GPC5: variants seen among roughly 807,000 people sequenced by gnomAD.
The protein encoded by GPC5 is glypican 5, also known as glypican-5.
GPC5 carries 47 observed loss-of-function variants against 53.9 expected under a neutral mutation model. That is an observed-to-expected ratio of 0.87 (90% CI 0.69 to 1.11). GPC5 has a LOEUF of 1.11. GPC5 is among the 50% of genes most tolerant of loss of function. The pLI, the probability that GPC5 is intolerant of heterozygous loss-of-function variation, is 0.00. For synonymous variants in GPC5, 286 were observed against 263.3 expected (o/e 1.09, Z -0.84); for missense variants, 748 against 713.1 (o/e 1.05, Z -0.56).
At chr13:92,210,029 AG>A (rs1318598575) in intron 7 of GPC5, among the ~76,000 whole-genome samples, 2 of 152,078 alleles carry the variant, frequency 1.3e-5, no homozygotes, top group Non-Finnish European at 2.9e-5. Context: ...CTTTTATTCT[AG>A]CCATGCTGGC....
intron 7 of GPC5, among the ~76,000 whole-genome samples, chr13:92,547,584 CTGG>C: frequency 6.6e-6 from 1 of 152,238 alleles, no homozygotes; most frequent in South Asian, 2.1e-4. Context: ...CAACTTCAGA[CTGG>C]ATACATTAAT....
intron 7 of GPC5, among the ~76,000 whole-genome samples, chr13:92,648,260 AATGAAACCAAT>A (rs565857699): frequency 1.3e-4 from 20 of 152,170 alleles, no homozygotes; most frequent in African/African-American, 4.1e-4. Flanking sequence ...AGTTACTACA[AATGAAACCAAT>A]TTTGATACAT....
intron 7 of GPC5, among the ~76,000 whole-genome samples, chr13:92,720,749 G>A (rs1888486279): frequency 6.6e-6 from 1 of 152,098 alleles, no homozygotes; most frequent in Non-Finnish European, 1.5e-5. Flanking sequence ...ATTTTGAAAT[G>A]TGAAAGATAA....
intron 6 of GPC5, among the ~76,000 whole-genome samples, chr13:91,988,094 C>T (rs2040425616): frequency 6.8e-6 from 1 of 147,926 alleles, no homozygotes; most frequent in African/African-American, 2.5e-5. Flanking sequence ...ACTATATAAA[C>T]CAGGTCTCAG....
At chr13:91,736,965 A>T (rs1268075196) in intron 4 of GPC5, among the ~76,000 whole-genome samples, 3 of 149,674 alleles carry the variant, frequency 2.0e-5, no homozygotes, top group Admixed American at 6.6e-5. Flanking sequence ...TATTATTATT[A>T]TTATTATTTT....
intron 7 of GPC5, among the ~76,000 whole-genome samples, chr13:92,475,034 T>C (rs992029429): frequency 6.6e-6 from 1 of 152,114 alleles, no homozygotes; most frequent in African/African-American, 2.4e-5. Flanking sequence ...ACTTTATTTT[T>C]AACTAGTAAA....
chr13:92,844,977 A>G (rs570546319), intron 7 of GPC5, among the ~76,000 whole-genome samples: 1 of 152,266 alleles, frequency 6.6e-6, no homozygotes, highest in East Asian at 1.9e-4. Context: ...TTAAGTTTCC[A>G]TTTGGCTACA....
chr13:92,457,938 G>A (rs902745636), intron 7 of GPC5, among the ~76,000 whole-genome samples: 1 of 152,002 alleles, frequency 6.6e-6, no homozygotes, highest in Non-Finnish European at 1.5e-5. Flanking sequence ...TCTCTGTCCT[G>A]CGTTGTACCT....
At chr13:91,699,736 C>A (rs1286932287) in intron 3 of GPC5, among the ~76,000 whole-genome samples, 1 of 152,110 alleles carries the variant, frequency 6.6e-6, no homozygotes, top group Non-Finnish European at 1.5e-5. Flanking sequence ...GCTAATAAAG[C>A]AGAAAAGGAA....
intron 7 of GPC5, among the ~76,000 whole-genome samples, chr13:92,329,605 T>C (rs1456867916): frequency 2.6e-5 from 4 of 152,194 alleles, no homozygotes. Flanking sequence ...AGTATCATCT[T>C]ATTAGTTTCT....
intron 2 of GPC5, among the ~76,000 whole-genome samples, chr13:91,501,112 T>A (rs552399640): frequency 1.3e-5 from 2 of 152,290 alleles, no homozygotes; most frequent in African/African-American, 4.8e-5. Flanking sequence ...AACAGGCTAA[T>A]ACACACACTC....
At chr13:92,767,679 C>A (rs1875456846) in intron 7 of GPC5, among the ~76,000 whole-genome samples, 1 of 152,140 alleles carries the variant, frequency 6.6e-6, no homozygotes, top group Non-Finnish European at 1.5e-5. Context: ...GACATACAGA[C>A]AGGTTTACTC....
intron 7 of GPC5, among the ~76,000 whole-genome samples, chr13:92,166,786 A>G (rs2042030696): frequency 6.6e-6 from 1 of 152,190 alleles, no homozygotes; most frequent in Non-Finnish European, 1.5e-5. Flanking sequence ...AGAAGACTGA[A>G]TAATGGTGGG....
chr13:92,018,468 T>G (rs1055136483), intron 6 of GPC5, among the ~76,000 whole-genome samples: 6 of 152,140 alleles, frequency 3.9e-5, no homozygotes, highest in African/African-American at 1.4e-4. Flanking sequence ...GTAACGTGCC[T>G]GTTTTTTATT....
intron 7 of GPC5, among the ~76,000 whole-genome samples, chr13:92,817,725 C>T (rs1877526358): frequency 6.6e-6 from 1 of 151,912 alleles, no homozygotes; most frequent in African/African-American, 2.4e-5. Context: ...TACCGTTTCA[C>T]TGAAGGTCTG....
At chr13:92,121,656 TTG>T (rs1470860724) in intron 6 of GPC5, among the ~76,000 whole-genome samples, 1 of 152,218 alleles carries the variant, frequency 6.6e-6, no homozygotes, top group Non-Finnish European at 1.5e-5. Flanking sequence ...TACATTGGCA[TTG>T]TGTGTACTCA....
chr13:92,013,036 G>A (rs115244611), intron 6 of GPC5, among the ~76,000 whole-genome samples: 1 of 152,316 alleles, frequency 6.6e-6, no homozygotes, highest in Non-Finnish European at 1.5e-5. Flanking sequence ...GTCACATGCT[G>A]TCTTAGCTCT....
At position 91,990,757 on chromosome 13, in the gene GPC5, G is replaced by A. The variant is rs1469535010; in HGVS notation, c.1401+82700G>A. On this transcript the variant is annotated intron_variant, in intron 6 of 7. Coordinates refer to ENST00000377067, the MANE Select transcript of GPC5 (RefSeq NM_004466.6). ...GCAGTCAGAGAACTGTCACCAGGAG[G>A]CATTTTCCTTACAGATCAGCAATGC... Among the ~76,000 whole-genome samples, 3 of 152,128 alleles carry A rather than the reference G, an allele frequency of 2.0e-5. No homozygotes were observed. In the South Asian group the frequency reaches 6.2e-4, roughly 32 times the overall value.
chr13:92,153,213 A>G (rs1321992427), intron 7 of GPC5, among the ~76,000 whole-genome samples: 7 of 152,068 alleles, frequency 4.6e-5, no homozygotes, highest in Admixed American at 3.9e-4. Flanking sequence ...GCTCACTGCA[A>G]CTTCCGCCTC....
Sources: allele counts gnomAD v4.1 joint callset (sites outside exome capture counted in the v4.1 genomes callset), GRCh38; gene constraint gnomAD v4.1.1; transcripts MANE v1.5; gene names NCBI Gene and HGNC (gene_info 2026-07-23, HGNC 2026-07-21).